The following LUZP2 variants were observed in gnomAD, a reference collection of about 807,000 sequenced individuals.
The protein encoded by LUZP2 is leucine zipper protein 2.
Under a neutral mutation model 51.6 loss-of-function variants are expected in LUZP2, and 52 were observed. The observed-to-expected ratio is 1.01, with a 90% CI of 0.81 to 1.27. The LOEUF is 1.27. LUZP2 is among the 50% of genes most tolerant of loss of function. LUZP2 has a pLI of 0.00. For synonymous variants in LUZP2, 154 were observed against 137.3 expected, an observed-to-expected ratio of 1.12 and a Z score of -0.85; for missense variants, 436 against 395.4, an observed-to-expected ratio of 1.10 and a Z score of -0.87.
rs368837231 is a variant in LUZP2, at chr11:24,983,765, T to TA, written c.765+480dup. The stretch of plus-strand genomic sequence containing the variant: ...AAAGTGTGTTTAGGTGTATTTACAT[T>TA]AAAAAAAAGCCTTACTCCTGGGGTT... On this transcript the variant is annotated intron_variant, in intron 9 of 11. Transcript: ENST00000336930. Among the ~76,000 whole-genome samples the TA allele has an allele frequency of 4.1e-3, 621 of 150,162 alleles. 5 individuals are homozygous for TA. The highest frequency in any genetic ancestry group is 0.013 in the African/African-American group (536 of 41,012).
At chr11:24,759,464 C>G (rs552640757) in intron 4 of LUZP2, among the ~76,000 whole-genome samples, 13 of 152,114 alleles carry the variant, frequency 8.5e-5, no homozygotes, top group Non-Finnish European at 1.9e-4. Context: ...TTAAGTATTG[C>G]ATTCTCAAGT....
Position 25,077,338 on chromosome 11 carries a change from C to A in LUZP2, c.868C>A (p.Pro290Thr), listed in dbSNP as rs1332731839. Residue 290 changes from proline to threonine, a missense_variant, in exon 11 of 12, where the codon CCG becomes ACG. By Grantham distance (38) the Pro-to-Thr change is conservative. Transcript: ENST00000336930. Reference protein sequence around the residue: ...TACDSQDEGRPCSMKHKESPP... With the variant: ...TACDSQDEGRTCSMKHKESPP... ...ATTGCTACTTTTGTAGGAGGGCAGA[C>A]CGTGTTCCATGAAGCACAAAGAAAG... The A allele has an allele frequency of 6.2e-7, 1 of 1,612,004 alleles. No homozygotes were observed. Among genetic ancestry groups the A allele is most frequent in the South Asian group, 1.1e-5 (1 of 91,040 alleles).
At chr11:25,069,631 AG>A (rs1320876689) in intron 10 of LUZP2, among the ~76,000 whole-genome samples, 2 of 151,840 alleles carry the variant, frequency 1.3e-5, no homozygotes, top group Non-Finnish European at 2.9e-5. Flanking sequence ...TTCTGAAAAA[AG>A]TTAACAAAAG....
At chr11:24,952,226 C>A (rs906962765) in intron 7 of LUZP2, among the ~76,000 whole-genome samples, 2 of 151,402 alleles carry the variant, frequency 1.3e-5, no homozygotes, top group African/African-American at 4.8e-5. Context: ...ATCTATGTAT[C>A]GTGATCACAT....
intron 1 of LUZP2, among the ~76,000 whole-genome samples, chr11:24,602,022 ATG>A (rs1853682931): frequency 7.4e-6 from 1 of 136,010 alleles, no homozygotes; most frequent in African/African-American, 2.7e-5. Flanking sequence ...ATATGTATAT[ATG>A]TGTATATATG....
chr11:24,671,044 A>G (rs1164935910), intron 1 of LUZP2, among the ~76,000 whole-genome samples: 1 of 151,894 alleles, frequency 6.6e-6, no homozygotes, highest in Non-Finnish European at 1.5e-5. Flanking sequence ...AATGAGCATT[A>G]GAACAATTTT....
At chr11:24,975,423 G>T (rs747202520) in intron 7 of LUZP2, among the ~76,000 whole-genome samples, 10 of 152,090 alleles carry the variant, frequency 6.6e-5, no homozygotes, top group Non-Finnish European at 1.3e-4. Flanking sequence ...ATTATTTAGA[G>T]AAAGTATTTG....
intron 1 of LUZP2, among the ~76,000 whole-genome samples, chr11:24,713,635 T>A (rs1163975192): frequency 6.6e-6 from 1 of 150,440 alleles, no homozygotes; most frequent in Non-Finnish European, 1.5e-5. Flanking sequence ...AGGCCAGGAT[T>A]TCGAGCTACA....
intron 1 of LUZP2, among the ~76,000 whole-genome samples, chr11:24,499,968 T>A (rs900516682): frequency 6.6e-6 from 1 of 152,222 alleles, no homozygotes; most frequent in Admixed American, 6.5e-5. Context: ...GCGACTATCC[T>A]GTCTTTTAAA....
chr11:24,801,777 A>T (rs1590554397), intron 5 of LUZP2, among the ~76,000 whole-genome samples: 1 of 151,202 alleles, frequency 6.6e-6, no homozygotes, highest in South Asian at 2.1e-4. Context: ...TATAAGGAAT[A>T]GTATAATCTA....
At chr11:24,665,688 G>A (rs921386203) in intron 1 of LUZP2, among the ~76,000 whole-genome samples, 1 of 152,030 alleles carries the variant, frequency 6.6e-6, no homozygotes, top group Admixed American at 6.6e-5. Flanking sequence ...TCTTTGCTTG[G>A]CTCTCATTCT....
chr11:25,013,977 C>T (rs1857060193), intron 9 of LUZP2, among the ~76,000 whole-genome samples: 1 of 151,984 alleles, frequency 6.6e-6, no homozygotes, highest in Non-Finnish European at 1.5e-5. Flanking sequence ...TCAATTCCCA[C>T]CTATGAGTGA....
chr11:24,768,503 C>T (rs1210441894), intron 5 of LUZP2, among the ~76,000 whole-genome samples: 1 of 152,192 alleles, frequency 6.6e-6, no homozygotes, highest in Non-Finnish European at 1.5e-5. Context: ...AGTATTTAAA[C>T]AGTCTATGCT....
At chr11:24,977,689 T>C (rs1855916460) in intron 8 of LUZP2, among the ~76,000 whole-genome samples, 1 of 149,652 alleles carries the variant, frequency 6.7e-6, no homozygotes, top group Non-Finnish European at 1.5e-5. Flanking sequence ...ATACATTAGA[T>C]ATAGGTAATA....
intron 1 of LUZP2, among the ~76,000 whole-genome samples, chr11:24,529,698 C>A (rs1343964416): frequency 6.6e-6 from 1 of 150,756 alleles, no homozygotes; most frequent in African/African-American, 2.4e-5. Flanking sequence ...AGTGAAATTT[C>A]CCCCCATTTA....
At position 25,065,324 on chromosome 11, in the gene LUZP2, C is replaced by T. The variant is rs371427325; in HGVS notation, c.859-12005C>T. ...CATTGCCTGCTGCTGTCATAATTGC[C>T]TATAACATTAATCCTTATGTTCATC... On this transcript the variant is annotated intron_variant, in intron 10 of 11. Transcript: ENST00000336930. Among the ~76,000 whole-genome samples, 6 of 151,958 alleles carry T rather than the reference C, an allele frequency of 3.9e-5. 1 individual carries two copies. The highest frequency in any genetic ancestry group is 1.2e-4 in the African/African-American group (5 of 41,384).
At chr11:24,592,427 A>C (rs1853292581) in intron 1 of LUZP2, among the ~76,000 whole-genome samples, 1 of 152,162 alleles carries the variant, frequency 6.6e-6, no homozygotes. Flanking sequence ...ATAGAATAAA[A>C]ATGATATGAG....
At chr11:24,866,113 TACACACACACACACACACACAC>T (rs60308723) in intron 5 of LUZP2, among the ~76,000 whole-genome samples, 28 of 146,682 alleles carry the variant, frequency 1.9e-4, no homozygotes, top group South Asian at 4.4e-4. Context: ...CTGCATTTCA[TACACACACACACACACACACAC>T]ACACACACAC....
chr11:24,596,891 G>A (rs12279761), intron 1 of LUZP2, among the ~76,000 whole-genome samples: 6,511 of 152,182 alleles, frequency 0.043, 362 homozygotes, highest in East Asian at 0.12. Context: ...CTGAATAAGT[G>A]GAACTCCAGC....
Sources: allele counts gnomAD v4.1 joint callset (sites outside exome capture counted in the v4.1 genomes callset), GRCh38; gene constraint gnomAD v4.1.1; transcripts MANE v1.5; gene names NCBI Gene and HGNC (gene_info 2026-07-23, HGNC 2026-07-21).